Variants in CFAP61 observed in about 807,000 individuals in gnomAD.
CFAP61 encodes the protein cilia and flagella associated protein 61.
Under a neutral mutation model 135.6 loss-of-function variants are expected in CFAP61, and 107 were observed. The ratio of observed to expected loss-of-function variants is 0.79; its 90% CI spans 0.67 to 0.93. CFAP61 has a LOEUF of 0.93. Among genes scored for constraint, CFAP61 ranks in the 40% least tolerant of loss-of-function variants. The pLI is 0.00. For synonymous variants in CFAP61, 575 were observed against 578.5 expected, an observed-to-expected ratio of 0.99 and a Z score of 0.09; for missense variants, 1,507 against 1,556.2, an observed-to-expected ratio of 0.97 and a Z score of 0.53.
At chr20:20,055,960 C>T (rs983750253) in intron 1 of CFAP61, 4 of 1,610,038 alleles carry the variant, frequency 2.5e-6, no homozygotes, top group East Asian at 2.2e-5. Flanking sequence ...TTTTTGTCAA[C>T]AGCATTTCCC....
chr20:20,357,582 AGGTAGTCACACTGTGAAGGGT>A (rs1409849445), intron 26 of CFAP61, among the ~76,000 whole-genome samples: 1 of 9,574 alleles, frequency 1.0e-4, no homozygotes, highest in Non-Finnish European at 2.2e-4. Context: ...CTGCGAGTGG[AGGTAGTCACACTGTGAAGGGT>A]GGTAGTCACA....
At chr20:20,318,703 T>C (rs1362095762) in intron 25 of CFAP61, among the ~76,000 whole-genome samples, 1 of 152,156 alleles carries the variant, frequency 6.6e-6, no homozygotes, top group Non-Finnish European at 1.5e-5. Context: ...GGGGAAGGAC[T>C]CCAAACAGCC....
At chr20:20,198,805 C>T (rs973513307) in intron 16 of CFAP61, among the ~76,000 whole-genome samples, 1 of 152,136 alleles carries the variant, frequency 6.6e-6, no homozygotes, top group African/African-American at 2.4e-5. Flanking sequence ...CTTAGAAGGG[C>T]CGGGGCTATT....
chr20:20,068,912 T>A (rs1023214391), intron 2 of CFAP61, among the ~76,000 whole-genome samples: 1 of 152,150 alleles, frequency 6.6e-6, no homozygotes, highest in Non-Finnish European at 1.5e-5. Flanking sequence ...GCCCAGCTGA[T>A]GTTTGTATTT....
chr20:20,141,016 A>G (rs2424270), intron 8 of CFAP61, among the ~76,000 whole-genome samples: 137,000 of 151,680 alleles, frequency 0.9, 62,658 homozygotes, highest in Middle Eastern at 0.99. Context: ...TCCGCCTCCC[A>G]GGTTCAAGTG....
intron 2 of CFAP61, among the ~76,000 whole-genome samples, chr20:20,064,032 A>ACCCCCCCCCC (rs373522191): frequency 2.7e-4 from 31 of 113,342 alleles, no homozygotes; most frequent in Non-Finnish European, 4.5e-4. Flanking sequence ...AAATAGAGTA[A>ACCCCCCCCCC]CCGCCCCCCA....
intron 24 of CFAP61, among the ~76,000 whole-genome samples, chr20:20,297,428 T>C (rs2055725722): frequency 6.6e-6 from 1 of 152,110 alleles, no homozygotes; most frequent in Non-Finnish European, 1.5e-5. Flanking sequence ...ACAAAACTCA[T>C]GTTTGTCTAC....
chr20:20,314,997 A>G (rs2122214757), intron 25 of CFAP61, among the ~76,000 whole-genome samples: 1 of 113,360 alleles, frequency 8.8e-6, no homozygotes, highest in Non-Finnish European at 1.8e-5. Context: ...CAATAAACAT[A>G]TGTGTGCATG....
intron 17 of CFAP61, among the ~76,000 whole-genome samples, chr20:20,213,478 G>A (rs976519330): frequency 5.3e-5 from 8 of 151,370 alleles, no homozygotes; most frequent in African/African-American, 1.7e-4. Flanking sequence ...TGGAAAAGGT[G>A]AAATATTTTA....
chr20:20,284,404 G>A (rs943963957), intron 22 of CFAP61, among the ~76,000 whole-genome samples: 2 of 151,944 alleles, frequency 1.3e-5, no homozygotes, highest in African/African-American at 2.4e-5. Context: ...TCCTGCCTCA[G>A]CTTCCCGAGT....
intron 9 of CFAP61, among the ~76,000 whole-genome samples, chr20:20,144,473 A>G (rs1408776807): frequency 3.3e-5 from 5 of 152,200 alleles, no homozygotes; most frequent in African/African-American, 9.6e-5. Flanking sequence ...ATTGCAGATG[A>G]AAGATTAGTG....
intron 25 of CFAP61, among the ~76,000 whole-genome samples, chr20:20,312,347 T>C (rs2056882596): frequency 6.6e-6 from 1 of 152,180 alleles, no homozygotes; most frequent in African/African-American, 2.4e-5. Context: ...CTTTTAGAGA[T>C]GAAAACTACA....
intron 14 of CFAP61, among the ~76,000 whole-genome samples, chr20:20,189,389 G>T (rs1019697161): frequency 6.7e-6 from 1 of 149,564 alleles, no homozygotes; most frequent in Non-Finnish European, 1.5e-5. Context: ...TCTGAAACAT[G>T]AATTTTCTGG....
At chr20:20,156,707 CTG>C in intron 9 of CFAP61, among the ~76,000 whole-genome samples, 1 of 152,244 alleles carries the variant, frequency 6.6e-6, no homozygotes, top group South Asian at 2.1e-4. Context: ...AGTTGTATCT[CTG>C]TATAATAGCA....
intron 26 of CFAP61, among the ~76,000 whole-genome samples, chr20:20,356,614 GGGAGGTGGTCACACTGAGA>G (rs1235959435): frequency 4.2e-5 from 2 of 47,882 alleles, no homozygotes; most frequent in African/African-American, 1.5e-4. Flanking sequence ...ACACTGTGAG[GGGAGGTGGTCACACTGAGA>G]GGAGGTGGTC....
chr20:20,086,006 G>C (rs886304351), intron 6 of CFAP61, among the ~76,000 whole-genome samples: 2 of 152,182 alleles, frequency 1.3e-5, no homozygotes, highest in African/African-American at 4.8e-5. Context: ...CTCACGTGGA[G>C]AACAAACACT....
intron 9 of CFAP61, among the ~76,000 whole-genome samples, chr20:20,155,933 G>C (rs1349999059): frequency 6.6e-6 from 1 of 152,096 alleles, no homozygotes; most frequent in Non-Finnish European, 1.5e-5. Flanking sequence ...CTACCGAGTG[G>C]AAAAGAAGTC....
chr20:20,107,976 T>C, intron 8 of CFAP61, among the ~76,000 whole-genome samples: 1 of 152,210 alleles, frequency 6.6e-6, no homozygotes, highest in East Asian at 1.9e-4. Context: ...TATTCTAAAA[T>C]AAAGAGAAAA....
chr20:20,109,948 C>T (rs2048685466), intron 8 of CFAP61, among the ~76,000 whole-genome samples: 1 of 151,490 alleles, frequency 6.6e-6, no homozygotes, highest in Non-Finnish European at 1.5e-5. Flanking sequence ...CTCTTGTTGC[C>T]CAGGCTGGAG....
Sources: gnomAD v4.1 joint callset for allele counts (sites outside exome capture counted in the v4.1 genomes callset) on GRCh38, gnomAD v4.1.1 for gene constraint, MANE v1.5 for transcripts, NCBI Gene and HGNC (gene_info 2026-07-23, HGNC 2026-07-21) for gene names.